KIF6: variants seen among roughly 807,000 people sequenced by gnomAD.
KIF6 encodes the protein kinesin-like protein KIF6.
KIF6 carries 106 observed loss-of-function variants against 112.7 expected under a neutral mutation model. The observed-to-expected ratio is 0.94, with a 90% CI of 0.80 to 1.11. The LOEUF (loss-of-function observed/expected upper bound fraction) is 1.11. Among genes scored for constraint, KIF6 ranks in the 50% least tolerant of loss-of-function variants. The pLI is 0.00. For synonymous variants in KIF6, 339 were observed against 339.9 expected (o/e 1.00, Z 0.03); for missense variants, 929 against 964.0 (o/e 0.96, Z 0.48).
rs372459640 is a variant in KIF6 at position 39,362,434 on chromosome 6, C to T, written c.1946G>A (p.Arg649Lys). The part of the protein sequence containing the change: ...LRSQLEEEKR[R>K]YKTMFTRLKA... ...TGTGTGTGGCTAAAAGGAAGGGCACCTTCTCTTTTCTTCCTCCAGTTGTGA... is the reference window on the plus strand; with the variant it reads ...TGTGTGTGGCTAAAAGGAAGGGCACTTTCTCTTTTCTTCCTCCAGTTGTGA... Residue 649 changes from arginine (R) to lysine (K), a missense_variant and splice_region_variant, in exon 17 of 23, where the codon AGG becomes AAG. Physicochemically the swap from Arg to Lys is conservative, Grantham distance 26. Transcript: ENST00000287152. 5.6e-6 allele frequency: 9 copies of T among 1,612,538 alleles called. No homozygotes were observed. In the African/African-American group the frequency reaches 1.2e-4, roughly 22 times the overall value.
At chr6:39,524,412 G>A (rs1777586778) in intron 13 of KIF6, among the ~76,000 whole-genome samples, 1 of 152,114 alleles carries the variant, frequency 6.6e-6, no homozygotes, top group Non-Finnish European at 1.5e-5. Flanking sequence ...CTGGTATCTT[G>A]GAAATCCTGG....
At chr6:39,567,447 A>G (rs9471128) in intron 10 of KIF6, among the ~76,000 whole-genome samples, 79,084 of 152,016 alleles carry the variant, frequency 0.52, 23,187 homozygotes, top group African/African-American at 0.8. Context: ...CAGTCTATTC[A>G]TATAAAAGTT....
intron 12 of KIF6, among the ~76,000 whole-genome samples, chr6:39,544,192 A>G (rs893148723): frequency 2.0e-5 from 3 of 152,216 alleles, no homozygotes; most frequent in Non-Finnish European, 2.9e-5. Flanking sequence ...TGCTAAAGAT[A>G]ACCAGCTAAC....
intron 3 of KIF6, among the ~76,000 whole-genome samples, chr6:39,659,225 G>A (rs1172280215): frequency 6.6e-6 from 1 of 152,106 alleles, no homozygotes; most frequent in Non-Finnish European, 1.5e-5. Context: ...GTATTTTATA[G>A]CAATTTCCCA....
intron 6 of KIF6, among the ~76,000 whole-genome samples, chr6:39,611,802 A>G (rs1026525): frequency 0.2 from 30,731 of 152,140 alleles, 4,019 homozygotes; most frequent in East Asian, 0.38. Context: ...TCATACGCCC[A>G]AATTCTTACT....
intron 9 of KIF6, among the ~76,000 whole-genome samples, chr6:39,580,428 T>C (rs1447917288): frequency 1.3e-5 from 2 of 152,216 alleles, no homozygotes; most frequent in Admixed American, 1.3e-4. Context: ...TATCTGTAAG[T>C]AATGACAGAT....
At chr6:39,717,242 C>T (rs1789907628) in intron 2 of KIF6, among the ~76,000 whole-genome samples, 1 of 151,906 alleles carries the variant, frequency 6.6e-6, no homozygotes, top group Non-Finnish European at 1.5e-5. Context: ...CTGCCTCATG[C>T]TTACTCTACT....
intron 13 of KIF6, among the ~76,000 whole-genome samples, chr6:39,433,013 G>A (rs1388824460): frequency 1.3e-5 from 2 of 152,136 alleles, no homozygotes; most frequent in Non-Finnish European, 2.9e-5. Flanking sequence ...GTGAAAGCTT[G>A]CTTAAGCTGC....
chr6:39,540,371 T>C (rs1458040258), intron 12 of KIF6, 150 bp from the exon 13 acceptor site: 2 of 601,284 alleles, frequency 3.3e-6, no homozygotes, highest in South Asian at 2.2e-5. Flanking sequence ...GCCCCATATA[T>C]AGCAATGGAC....
intron 15 of KIF6, among the ~76,000 whole-genome samples, chr6:39,408,414 A>G (rs76957590): frequency 0.023 from 3,440 of 152,316 alleles, 105 homozygotes; most frequent in African/African-American, 0.078. Flanking sequence ...ACAAAAATGC[A>G]TGCACTGTTT....
rs547281872 is a variant in KIF6, at chr6:39,567,853, C to T, written c.1181+10203G>A. ...CGATCTCCTGACCTCGTGATCCGCC[C>T]GCCTTGGCCTCCCAAAGTGCTGGGA... is the stretch of plus-strand genomic sequence containing the variant. On this transcript the variant is annotated intron_variant, in intron 10 of 22. Transcript: ENST00000287152. 4.5e-4 allele frequency among the ~76,000 whole-genome samples: 69 copies of T among 152,230 alleles called. No individual in the cohort carries two copies. The South Asian group carries it at 0.011, about 23-fold the overall frequency.
intron 15 of KIF6, among the ~76,000 whole-genome samples, chr6:39,389,619 C>T (rs968812185): frequency 2.0e-5 from 3 of 152,154 alleles, no homozygotes; most frequent in Admixed American, 1.3e-4. Flanking sequence ...GGTTTGCTTT[C>T]CTGCTGAGCC....
intron 13 of KIF6, among the ~76,000 whole-genome samples, chr6:39,507,633 CTTT>C (rs1562273102): frequency 0.16 from 7,549 of 47,200 alleles, 628 homozygotes; most frequent in Middle Eastern, 0.21. Context: ...CTTTCCTTTC[CTTT>C]CCCCTTCCTT....
intron 3 of KIF6, among the ~76,000 whole-genome samples, chr6:39,685,839 G>A (rs949288480): frequency 6.6e-6 from 1 of 152,172 alleles, no homozygotes; most frequent in Non-Finnish European, 1.5e-5. Context: ...AATTTCCAAC[G>A]CTCTAGAAAA....
chr6:39,412,705 A>C (rs763961931), intron 15 of KIF6, among the ~76,000 whole-genome samples: 3 of 152,218 alleles, frequency 2.0e-5, no homozygotes, highest in African/African-American at 7.2e-5. Context: ...CTCGTATGTT[A>C]AAATTTTGCA....
chr6:39,623,730 C>T (rs1042205274), intron 5 of KIF6, among the ~76,000 whole-genome samples: 5 of 152,106 alleles, frequency 3.3e-5, no homozygotes, highest in African/African-American at 1.2e-4. Flanking sequence ...AAACACAAAG[C>T]CAATTACAAT....
chr6:39,408,042 AG>A (rs1769211323), intron 15 of KIF6, among the ~76,000 whole-genome samples: 1 of 152,228 alleles, frequency 6.6e-6, no homozygotes, highest in South Asian at 2.1e-4. Flanking sequence ...CCTAATATCC[AG>A]AGGACACAAA....
intron 16 of KIF6, among the ~76,000 whole-genome samples, chr6:39,379,206 G>C (rs115157267): frequency 0.019 from 2,826 of 152,250 alleles, 96 homozygotes; most frequent in African/African-American, 0.064. Context: ...TTTTTGCTTA[G>C]CAGCTAGACA....
chr6:39,424,558 A>G (rs1029699535), intron 14 of KIF6, among the ~76,000 whole-genome samples: 10 of 152,234 alleles, frequency 6.6e-5, no homozygotes, highest in African/African-American at 2.4e-4. Context: ...AACGTGCACA[A>G]GTGAGGAGCG....
Sources: gnomAD v4.1 joint callset for allele counts (sites outside exome capture counted in the v4.1 genomes callset) on GRCh38, gnomAD v4.1.1 for gene constraint, MANE v1.5 for transcripts, NCBI Gene and HGNC (gene_info 2026-07-23, HGNC 2026-07-21) for gene names.